MPP7: variants seen among roughly 807,000 people sequenced by gnomAD.
MPP7 encodes MAGUK p55 scaffold protein 7.
Under a neutral mutation model 76.5 loss-of-function variants are expected in MPP7, and 60 were observed. That is an observed-to-expected ratio of 0.78 (90% confidence interval 0.64 to 0.97). The LOEUF (loss-of-function observed/expected upper bound fraction) is 0.97, where lower values mean the gene tolerates loss of function less well. Ranked by LOEUF, MPP7 falls within the 50% of genes least tolerant of loss-of-function variation. The pLI, the probability that MPP7 is intolerant of heterozygous loss-of-function variation, is 0.00. For synonymous variants in MPP7, 237 were observed against 244.5 expected, an observed-to-expected ratio of 0.97 and a Z score of 0.29; for missense variants, 641 against 694.0, an observed-to-expected ratio of 0.92 and a Z score of 0.86.
chr10:28,264,492 T>C (rs1840082924), intron 1 of MPP7, among the ~76,000 whole-genome samples: 2 of 151,654 alleles, frequency 1.3e-5, no homozygotes, highest in South Asian at 4.2e-4. Flanking sequence ...GCACTTTAAA[T>C]TAGACCGTCC....
At chr10:28,178,726 A>G (rs1257469473) in intron 3 of MPP7, among the ~76,000 whole-genome samples, 2 of 152,134 alleles carry the variant, frequency 1.3e-5, no homozygotes, top group African/African-American at 4.8e-5. Context: ...AGGTACTTAG[A>G]ACTTTGAAAA....
chr10:28,158,597 A>G, intron 3 of MPP7, among the ~76,000 whole-genome samples: 1 of 152,172 alleles, frequency 6.6e-6, no homozygotes, highest in Non-Finnish European at 1.5e-5. Context: ...TCAAGGTGAC[A>G]AGGGAAATGA....
intron 3 of MPP7, 120 bp from the exon 4 acceptor site, chr10:28,150,179 GACATATTACACACATGTA>G (rs1199731640): frequency 1.4e-6 from 1 of 691,070 alleles, no homozygotes; most frequent in Non-Finnish European, 2.5e-6. Flanking sequence ...ATATGTTTAT[GACATATTACACACATGTA>G]ATATGTTTGT....
At chr10:28,207,262 T>C (rs2134004840) in intron 2 of MPP7, among the ~76,000 whole-genome samples, 1 of 152,136 alleles carries the variant, frequency 6.6e-6, no homozygotes, top group South Asian at 2.1e-4. Context: ...TAAAAAGCAA[T>C]ATTTTTTAAT....
intron 11 of MPP7, among the ~76,000 whole-genome samples, chr10:28,101,258 TA>T (rs1853812274): frequency 6.6e-6 from 1 of 152,156 alleles, no homozygotes; most frequent in Non-Finnish European, 1.5e-5. Flanking sequence ...ATATAATGTT[TA>T]GGAAAAATAT....
intron 1 of MPP7, among the ~76,000 whole-genome samples, chr10:28,278,421 A>C (rs1840568324): frequency 6.6e-6 from 1 of 152,098 alleles, no homozygotes; most frequent in East Asian, 1.9e-4. Context: ...ATTCCTAATC[A>C]ATTTAAGGCA....
chr10:28,091,170 C>A (rs1054375160), intron 11 of MPP7, among the ~76,000 whole-genome samples: 1 of 151,796 alleles, frequency 6.6e-6, no homozygotes, highest in Non-Finnish European at 1.5e-5. Context: ...AACAAAAAAA[C>A]CCTTATATAT....
At chr10:28,329,274 T>C (rs2133191357) in intron 2 of MPP7, among the ~76,000 whole-genome samples, 2 of 152,320 alleles carry the variant, frequency 1.3e-5, no homozygotes, top group East Asian at 3.9e-4. Flanking sequence ...ACTGAGGGAA[T>C]GCTGTCTCTC....
intron 3 of MPP7, among the ~76,000 whole-genome samples, chr10:28,150,431 C>G (rs1835847217): frequency 2.0e-5 from 3 of 152,122 alleles, no homozygotes; most frequent in Admixed American, 2.0e-4. Flanking sequence ...TCAGTTGCAG[C>G]TTATATTCCT....
chr10:28,332,541 C>G (rs1834481325), intron 1 of MPP7, among the ~76,000 whole-genome samples: 2 of 152,086 alleles, frequency 1.3e-5, no homozygotes, highest in Non-Finnish European at 2.9e-5. Context: ...AGTTAGAAAA[C>G]TTTATCATAG....
At chr10:28,063,034 C>A (rs1359108975) in intron 13 of MPP7, among the ~76,000 whole-genome samples, 6 of 151,008 alleles carry the variant, frequency 4.0e-5, no homozygotes, top group East Asian at 1.9e-4. Flanking sequence ...TTAAAAGACA[C>A]CATTAAAAAA....
At chr10:28,170,968 C>T (rs1397884325) in intron 3 of MPP7, among the ~76,000 whole-genome samples, 1 of 152,148 alleles carries the variant, frequency 6.6e-6, no homozygotes, top group Non-Finnish European at 1.5e-5. Flanking sequence ...ATAATAGTTA[C>T]ATAAAATCCT....
At chr10:28,110,368 G>A (rs894566862) in intron 11 of MPP7, among the ~76,000 whole-genome samples, 13 of 152,274 alleles carry the variant, frequency 8.5e-5, no homozygotes, top group African/African-American at 2.9e-4. Flanking sequence ...GGGATTACAG[G>A]CGTGAGCCAC....
intron 11 of MPP7, among the ~76,000 whole-genome samples, chr10:28,117,526 A>G (rs529092542): frequency 6.6e-6 from 1 of 152,128 alleles, no homozygotes; most frequent in Non-Finnish European, 1.5e-5. Flanking sequence ...TAAGTTTCCT[A>G]TTCCAAAACC....
intron 3 of MPP7, among the ~76,000 whole-genome samples, chr10:28,176,201 C>G (rs373742140): frequency 1.1e-3 from 170 of 152,144 alleles, no homozygotes; most frequent in South Asian, 7.9e-3. Flanking sequence ...GTGCAGTGAG[C>G]TGAGATTGCA....
chr10:28,120,566 C>A (rs370666125), intron 9 of MPP7, 28 bp downstream of exon 9: 24 of 1,599,662 alleles, frequency 1.5e-5, no homozygotes, highest in Non-Finnish European at 1.8e-5. Context: ...CTCCCACGCA[C>A]GAAGAAATGT....
intron 1 of MPP7, among the ~76,000 whole-genome samples, chr10:28,291,403 T>C (rs12219880): frequency 0.17 from 25,732 of 152,124 alleles, 3,070 homozygotes; most frequent in East Asian, 0.58. Context: ...GCCAGGAGAT[T>C]AAGACCAGCC....
chr10:28,310,530 A>G (rs1427252273), intron 2 of MPP7, among the ~76,000 whole-genome samples: 1 of 152,240 alleles, frequency 6.6e-6, no homozygotes, highest in African/African-American at 2.4e-5. Context: ...TAAAAATACC[A>G]TAAACATGTG....
chr10:28,139,700 C>T (rs1835451866), intron 5 of MPP7, among the ~76,000 whole-genome samples: 2 of 152,114 alleles, frequency 1.3e-5, no homozygotes, highest in African/African-American at 4.8e-5. Flanking sequence ...AAGGCTGCTC[C>T]ATAGTAAAGA....
Sources: allele counts gnomAD v4.1 joint callset (sites outside exome capture counted in the v4.1 genomes callset), GRCh38; gene constraint gnomAD v4.1.1; transcripts MANE v1.5; gene names NCBI Gene and HGNC (gene_info 2026-07-23, HGNC 2026-07-21).